Variants in ZBTB20 observed in about 807,000 individuals in gnomAD.
ZBTB20 encodes zinc finger and BTB domain containing 20, also known as zinc finger and BTB domain-containing protein 20.
In ZBTB20, 9 loss-of-function variants were observed where a neutral mutation model predicts 56.9. That is an observed-to-expected ratio of 0.16 (90% CI 0.10 to 0.28). The LOEUF is 0.28. ZBTB20 is among the 10% of genes least tolerant of loss of function. The pLI, the probability that ZBTB20 is intolerant of heterozygous loss-of-function variation, is 1.00. For missense variants in ZBTB20, 655 were observed against 1,003.0 expected (o/e 0.65, Z 4.69); for synonymous variants, 417 against 420.7 (o/e 0.99, Z 0.11).
intron 7 of ZBTB20, among the ~76,000 whole-genome samples, chr3:114,465,830 A>C (rs2092527660): frequency 6.6e-6 from 1 of 152,132 alleles, no homozygotes; most frequent in African/African-American, 2.4e-5. Flanking sequence ...CAAATATAAA[A>C]GACAGGTATT....
Position 114,329,725 on chromosome 3 carries a change from A to C in ZBTB20, c.*9280T>G, listed in dbSNP as rs1379577960. On this transcript the variant is annotated 3_prime_UTR_variant, in exon 12 of 12. Coordinates refer to ENST00000675478, the MANE Select transcript of ZBTB20 (RefSeq NM_001348800.3). Reference sequence around the variant, plus strand: ...CTTTTTTTGGAAAAAAAAAAAAAAAAAAAAAAAAAAAACAACTCCCAGGAA... The same window carrying C: ...CTTTTTTTGGAAAAAAAAAAAAAAACAAAAAAAAAAAACAACTCCCAGGAA... 8 of 148,250 alleles carry C rather than the reference A, an allele frequency of 5.4e-5. No homozygotes were observed. Among genetic ancestry groups the C allele is most frequent in the African/African-American group, 1.5e-4 (6 of 40,660 alleles). 9.2% of individuals were successfully genotyped at this position (148,250 alleles called of 1,614,324 possible).
intron 6 of ZBTB20, among the ~76,000 whole-genome samples, chr3:114,598,379 C>T (rs1195268175): frequency 7.0e-6 from 1 of 143,736 alleles, no homozygotes; most frequent in Non-Finnish European, 1.5e-5. Context: ...GTGTTATACA[C>T]CCTACAGAAA....
intron 2 of ZBTB20, among the ~76,000 whole-genome samples, chr3:115,031,692 G>C (rs1168900986): frequency 6.6e-6 from 1 of 151,448 alleles, no homozygotes; most frequent in Non-Finnish European, 1.5e-5. Context: ...AAATGCTTTT[G>C]CTACACACAG....
At chr3:115,136,845 A>C (rs1394482965) in intron 1 of ZBTB20, among the ~76,000 whole-genome samples, 2 of 152,086 alleles carry the variant, frequency 1.3e-5, no homozygotes, top group Non-Finnish European at 2.9e-5. Context: ...TCCCTTTCTA[A>C]AACAAGAAAG....
intron 2 of ZBTB20, among the ~76,000 whole-genome samples, chr3:115,044,648 G>C (rs1183530929): frequency 6.6e-6 from 1 of 152,168 alleles, no homozygotes; most frequent in Non-Finnish European, 1.5e-5. Context: ...ACATACCAAT[G>C]CCAGAGCCCT....
At chr3:114,868,497 T>TA (rs2107527034) in intron 4 of ZBTB20, among the ~76,000 whole-genome samples, 1 of 152,338 alleles carries the variant, frequency 6.6e-6, no homozygotes, top group East Asian at 1.9e-4. Flanking sequence ...TTACACTGAC[T>TA]ATAGAACTTA....
intron 3 of ZBTB20, among the ~76,000 whole-genome samples, chr3:114,912,994 T>C (rs911336930): frequency 3.3e-5 from 5 of 151,700 alleles, no homozygotes; most frequent in African/African-American, 1.2e-4. Flanking sequence ...TAATGGACAC[T>C]TAGGTTGCTA....
At chr3:114,979,193 T>G (rs2108077361) in intron 2 of ZBTB20, among the ~76,000 whole-genome samples, 1 of 152,068 alleles carries the variant, frequency 6.6e-6, no homozygotes, top group East Asian at 1.9e-4. Flanking sequence ...TGTAGAAAAC[T>G]TAAGTTGGAG....
chr3:114,930,643 C>A (rs2076323599), intron 3 of ZBTB20: 1 of 167,524 alleles, frequency 6.0e-6, no homozygotes, highest in Non-Finnish European at 1.3e-5. Flanking sequence ...TCACAGGCGG[C>A]GCCTGCTGAT....
At chr3:114,526,956 A>G (rs1468382787) in intron 6 of ZBTB20, among the ~76,000 whole-genome samples, 7 of 152,158 alleles carry the variant, frequency 4.6e-5, no homozygotes. Context: ...CAATAATGGA[A>G]GAAGACTTAC....
At chr3:114,479,772 G>A (rs926746128) in intron 7 of ZBTB20, among the ~76,000 whole-genome samples, 4 of 152,104 alleles carry the variant, frequency 2.6e-5, no homozygotes, top group Admixed American at 6.5e-5. Flanking sequence ...AGGTCATAAT[G>A]GCAGGTAACA....
chr3:114,558,109 G>C (rs954746774), intron 6 of ZBTB20, among the ~76,000 whole-genome samples: 1 of 151,952 alleles, frequency 6.6e-6, no homozygotes, highest in Non-Finnish European at 1.5e-5. Flanking sequence ...ACCATTCAGT[G>C]TAGTAATTTC....
At chr3:114,998,596 T>A (rs2079120121) in intron 2 of ZBTB20, among the ~76,000 whole-genome samples, 1 of 151,724 alleles carries the variant, frequency 6.6e-6, no homozygotes, top group African/African-American at 2.4e-5. Context: ...GAATAGTGAC[T>A]CTAGATATGC....
chr3:114,919,556 T>C (rs2075877726), intron 3 of ZBTB20, among the ~76,000 whole-genome samples: 1 of 151,704 alleles, frequency 6.6e-6, no homozygotes, highest in South Asian at 2.1e-4. Context: ...AAATACAAAA[T>C]TAGCCGGGTG....
At chr3:114,929,749 G>A (rs2076287584) in intron 3 of ZBTB20, among the ~76,000 whole-genome samples, 1 of 152,170 alleles carries the variant, frequency 6.6e-6, no homozygotes, top group Non-Finnish European at 1.5e-5. Flanking sequence ...TTGGAATTGG[G>A]TGTCACTGGT....
intron 6 of ZBTB20, among the ~76,000 whole-genome samples, chr3:114,581,928 A>G (rs1006069997): frequency 6.6e-6 from 1 of 152,204 alleles, no homozygotes; most frequent in African/African-American, 2.4e-5. Context: ...TATGTCTATA[A>G]AAATGTTAAC....
intron 2 of ZBTB20, among the ~76,000 whole-genome samples, chr3:114,995,572 C>T (rs1425358441): frequency 6.6e-6 from 1 of 151,720 alleles, no homozygotes; most frequent in Non-Finnish European, 1.5e-5. Context: ...ACAAATGCTG[C>T]TTTTATTTAG....
At chr3:115,069,411 G>T (rs764144224) in intron 2 of ZBTB20, among the ~76,000 whole-genome samples, 1 of 152,112 alleles carries the variant, frequency 6.6e-6, no homozygotes, top group Non-Finnish European at 1.5e-5. Flanking sequence ...GGTGAGTACT[G>T]TGTAAGCATT....
chr3:115,011,219 CAG>C (rs1466730847), intron 2 of ZBTB20, among the ~76,000 whole-genome samples: 7 of 151,808 alleles, frequency 4.6e-5, no homozygotes, highest in African/African-American at 2.4e-5. Context: ...GAGAAAGAGA[CAG>C]GGGTAGAAAG....
Sources: gnomAD v4.1 joint callset for allele counts (sites outside exome capture counted in the v4.1 genomes callset) on GRCh38, gnomAD v4.1.1 for gene constraint, MANE v1.5 for transcripts, NCBI Gene and HGNC (gene_info 2026-07-23, HGNC 2026-07-21) for gene names.